The following TCTN1 variants were observed in gnomAD, a reference collection of about 807,000 sequenced individuals.
The protein encoded by TCTN1 is tectonic family member 1, also known as tectonic-1.
Under a neutral mutation model 65.8 loss-of-function variants are expected in TCTN1, and 58 were observed. That is an observed-to-expected ratio of 0.88 (90% CI 0.71 to 1.10). The LOEUF (loss-of-function observed/expected upper bound fraction) is 1.10, where lower values mean the gene tolerates loss of function less well. TCTN1 is among the 50% of genes least tolerant of loss of function. The pLI is 0.00. For missense variants in TCTN1, 645 were observed against 719.4 expected (o/e 0.90, Z 1.18); for synonymous variants, 273 against 289.1 (o/e 0.94, Z 0.57).
chr12:110,617,374 A>G (rs1166667236), intron 1 of TCTN1, among the ~76,000 whole-genome samples: 3 of 151,448 alleles, frequency 2.0e-5, no homozygotes, highest in African/African-American at 7.3e-5. Context: ...CCCAGGCTGG[A>G]ATGCAGTGGC....
rs565153238 is a variant in TCTN1, at chr12:110,637,045, G to A, written c.843+544G>A. ...TTCGTGGCTATGTCAGAAGGAATGT[G>A]GATCCCTCACCCCTTATTCTAGGGT... On this transcript the variant is annotated intron_variant, in intron 7 of 14. Coordinates refer to ENST00000397659, the MANE Select transcript of TCTN1 (RefSeq NM_001082538.3). Among the ~76,000 whole-genome samples, 32 of 152,330 alleles carry A rather than the reference G, an allele frequency of 2.1e-4. No individual in the cohort carries two copies. The East Asian group carries it at 5.8e-3, about 28-fold the overall frequency.
intron 3 of TCTN1, chr12:110,627,773 C>T (rs1206177885): frequency 2.1e-6 from 1 of 470,164 alleles, no homozygotes; most frequent in Admixed American, 3.8e-5. Context: ...GAGCATTTAG[C>T]TCAAATATAT....
In TCTN1 at chr12:110,639,653, G is replaced by A. The variant is rs900831099; in HGVS notation, c.844-730G>A. ...TATATGTGTGCTTGACAGTGTGATG[G>A]AGTTTTGTGTGTATTTGAGATATAA... On this transcript the variant is annotated intron_variant, in intron 7 of 14. Transcript: ENST00000397659. This position sits in a 1 kb window ranked among gnomAD's most constrained non-coding sequence, Gnocchi z 4.9. 6.6e-6 allele frequency among the ~76,000 whole-genome samples: 1 copy of A among 152,046 alleles called. No individual in the cohort carries two copies. Among genetic ancestry groups the A allele is most frequent in the Non-Finnish European group, 1.5e-5 (1 of 68,030 alleles).
intron 3 of TCTN1, chr12:110,627,994 C>G: frequency 6.7e-7 from 1 of 1,500,600 alleles, no homozygotes; most frequent in Non-Finnish European, 9.0e-7. Flanking sequence ...GGTTCTCTGT[C>G]GTAACACCAG....
intron 10 of TCTN1, 114 bp from the exon 11 acceptor site, chr12:110,642,135 G>T: frequency 7.2e-7 from 1 of 1,387,676 alleles, no homozygotes; most frequent in South Asian, 1.2e-5. Flanking sequence ...AAATCCCAGA[G>T]GCCCAGAAAA....
intron 1 of TCTN1, among the ~76,000 whole-genome samples, chr12:110,615,057 C>T (rs749915299): frequency 3.7e-4 from 57 of 152,148 alleles, no homozygotes; most frequent in Non-Finnish European, 2.2e-4. Context: ...TTTGGGAGGT[C>T]AACTCGGGTG....
chr12:110,636,592 A>T, intron 7 of TCTN1, 91 bp downstream of exon 7: 2 of 789,768 alleles, frequency 2.5e-6, no homozygotes, highest in African/African-American at 1.7e-5. Flanking sequence ...TACAGTTACA[A>T]TTAGAAGGGG....
At chr12:110,617,280 C>T (rs999589503) in intron 1 of TCTN1, among the ~76,000 whole-genome samples, 4 of 151,996 alleles carry the variant, frequency 2.6e-5, no homozygotes, top group Non-Finnish European at 5.9e-5. Context: ...GGCATATTAA[C>T]AAAACCTTCC....
chr12:110,648,696 T>C, intron 14 of TCTN1: 1 of 225,304 alleles, frequency 4.4e-6, no homozygotes, highest in Non-Finnish European at 8.7e-6. Context: ...AATTGCCATT[T>C]CTGCACCAGG....
chr12:110,626,651 C>T (rs1195814154), intron 3 of TCTN1, among the ~76,000 whole-genome samples, 159 bp downstream of exon 3: 1 of 151,998 alleles, frequency 6.6e-6, no homozygotes, highest in Non-Finnish European at 1.5e-5. Context: ...GCAATCTCGG[C>T]TCACTGAAAC....
intron 2 of TCTN1, among the ~76,000 whole-genome samples, chr12:110,620,711 G>A (rs370578195): frequency 2.6e-5 from 4 of 151,830 alleles, no homozygotes; most frequent in South Asian, 4.2e-4. Context: ...CTCACAGTTC[G>A]CATTGTATAG....
At chr12:110,634,522 C>T (rs942863231) in intron 5 of TCTN1, 148 bp from the exon 6 acceptor site, 1 of 705,972 alleles carries the variant, frequency 1.4e-6, no homozygotes, top group African/African-American at 1.8e-5. Flanking sequence ...ACTAAAAAAA[C>T]AAAACAAACA....
intron 4 of TCTN1, among the ~76,000 whole-genome samples, chr12:110,631,267 C>T (rs1392911426): frequency 5.4e-5 from 7 of 129,560 alleles, no homozygotes; most frequent in Non-Finnish European, 8.2e-5. Context: ...TCAGGTAATC[C>T]GCTCGCCTCG....
rs759908399 is a variant in TCTN1 at position 110,614,406 on chromosome 12, G to GGTACCAT, written c.220+7_220+13dup. 1.3e-6 allele frequency: 2 copies of GGTACCAT among 1,590,424 alleles called. No homozygotes were observed. Among genetic ancestry groups the GGTACCAT allele is most frequent in the East Asian group, 4.5e-5 (2 of 44,108 alleles). On this transcript the variant is annotated splice_donor_region_variant and intron_variant, in intron 1 of 14. Transcript: ENST00000397659. ...AGGCCTACCCCAGTCACGGACGGTG[G>GGTACCAT]GTACCATGTGCCAGCTCCTGGAGTC...
chr12:110,640,622 G>C lies in TCTN1; in HGVS notation c.978+105G>C. On this transcript the variant is annotated intron_variant, in intron 8 of 14. Coordinates refer to ENST00000397659, the MANE Select transcript of TCTN1 (RefSeq NM_001082538.3). This position sits in a 1 kb window ranked among gnomAD's most constrained non-coding sequence, Gnocchi z 4.9. ...CCGAGGACGCTCTGTCCCAGCCCAT[G>C]GTGTGGCTTTTCTTGGCTCAGCTGC... The C allele has an allele frequency of 6.4e-7, 1 of 1,552,582 alleles. No individual in the cohort carries two copies. The highest frequency in any genetic ancestry group is 8.9e-7 in the Non-Finnish European group (1 of 1,128,404).
At chr12:110,647,712 C>CTT (rs2067449894) in intron 13 of TCTN1, 37 bp from the exon 14 acceptor site, 1 of 1,614,018 alleles carries the variant, frequency 6.2e-7, no homozygotes, top group Non-Finnish European at 8.5e-7. Flanking sequence ...TGGGAGCACA[C>CTT]TGGAGGGTGG....
At chr12:110,641,259 T>C in intron 9 of TCTN1, 110 bp downstream of exon 9, 1 of 1,426,386 alleles carries the variant, frequency 7.0e-7, no homozygotes, top group Non-Finnish European at 9.7e-7. Flanking sequence ...GCCTTTGTAG[T>C]GAACAGAGGG....
intron 2 of TCTN1, among the ~76,000 whole-genome samples, chr12:110,624,945 C>T (rs1277725170): frequency 3.3e-5 from 5 of 152,140 alleles, no homozygotes; most frequent in African/African-American, 4.8e-5. Flanking sequence ...CCACCCGCCT[C>T]GGCCTCCCAA....
intron 4 of TCTN1, among the ~76,000 whole-genome samples, chr12:110,632,197 C>T (rs1374976650): frequency 6.6e-6 from 1 of 152,208 alleles, no homozygotes; most frequent in African/African-American, 2.4e-5. Flanking sequence ...TCTGCAGAGG[C>T]AGATCGTTAT....
Sources: gnomAD v4.1 joint callset for allele counts (sites outside exome capture counted in the v4.1 genomes callset) on GRCh38, gnomAD v4.1.1 for gene constraint, Gnocchi (gnomAD v3.1) non-coding constraint, MANE v1.5 for transcripts, NCBI Gene and HGNC (gene_info 2026-07-23, HGNC 2026-07-21) for gene names.